The following MTA3 variants were observed in gnomAD, a reference collection of about 807,000 sequenced individuals.
The protein encoded by MTA3 is metastasis-associated protein MTA3.
MTA3 carries 34 observed loss-of-function variants against 83.5 expected under a neutral mutation model. The observed-to-expected ratio is 0.41, with a 90% confidence interval of 0.31 to 0.54. MTA3 has a LOEUF of 0.54. MTA3 is among the 20% of genes least tolerant of loss of function. MTA3 has a pLI of 0.33. For missense variants in MTA3, 761 were observed against 726.4 expected (o/e 1.05, Z -0.55); for synonymous variants, 303 against 252.7 (o/e 1.20, Z -1.89).
intron 8 of MTA3, among the ~76,000 whole-genome samples, chr2:42,675,541 C>T (rs950752217): frequency 2.0e-5 from 3 of 152,134 alleles, no homozygotes; most frequent in Non-Finnish European, 4.4e-5. Flanking sequence ...TGTATATATT[C>T]GTGTAACCAC....
chr2:42,518,640 A>G (rs111443180), intron 2 of MTA3, among the ~76,000 whole-genome samples: 111 of 152,278 alleles, frequency 7.3e-4, no homozygotes, highest in African/African-American at 2.6e-3. Flanking sequence ...TCATAACTCC[A>G]TACTCCTGAA....
chr2:42,577,568 C>T (rs974284654), intron 2 of MTA3, among the ~76,000 whole-genome samples: 14 of 151,436 alleles, frequency 9.2e-5, no homozygotes, highest in Non-Finnish European at 1.3e-4. Context: ...GCAACCTCCA[C>T]CTCCCAGGTT....
At chr2:42,570,837 C>G (rs1447075673) in intron 2 of MTA3, among the ~76,000 whole-genome samples, 1 of 151,710 alleles carries the variant, frequency 6.6e-6, no homozygotes, top group African/African-American at 2.4e-5. Flanking sequence ...ATGGAGAAAC[C>G]CCGTCTGTAC....
upstream of MTA3, among the ~76,000 whole-genome samples, chr2:42,565,062 C>G (rs1322231879): frequency 6.6e-6 from 1 of 152,184 alleles, no homozygotes; most frequent in Non-Finnish European, 1.5e-5. Context: ...AGGTGTGAGC[C>G]ACCGCGCTCA....
At chr2:42,654,630 A>G (rs1352818959) in intron 6 of MTA3, among the ~76,000 whole-genome samples, 1 of 151,962 alleles carries the variant, frequency 6.6e-6, no homozygotes, top group African/African-American at 2.4e-5. Context: ...CTGTTTGTGT[A>G]TCTTTTTTGT....
At chr2:42,707,410 A>AT (rs959057937) in intron 12 of MTA3, among the ~76,000 whole-genome samples, 2 of 151,546 alleles carry the variant, frequency 1.3e-5, no homozygotes, top group Non-Finnish European at 2.9e-5. Context: ...TGCCTGGCTA[A>AT]TTTTTTTTGT....
chr2:42,675,860 T>A lies in MTA3; in HGVS notation c.703-6541T>A, dbSNP rs531398642. Among the ~76,000 whole-genome samples, 4 of 152,344 alleles carry A rather than the reference T, an allele frequency of 2.6e-5. No individual in the cohort carries two copies. The South Asian group carries it at 8.3e-4, about 32-fold the overall frequency. ...AAGGGTAAGATTAGACTACGTAAAG[T>A]CCATTCAAAAGAAACTTCTGTGTGT... On this transcript the variant is annotated intron_variant, in intron 8 of 16. Transcript: ENST00000405094.
rs1670190984 is a variant in MTA3 at position 42,755,672 on chromosome 2, C to G, written c.*2273C>G. On this transcript the variant is annotated 3_prime_UTR_variant, in exon 17 of 17. Coordinates refer to ENST00000405094, the MANE Select transcript of MTA3 (RefSeq NM_001330442.2). ...GTGCCGAGGCGCCTCTAGTCTGTGC[C>G]TTTGCCGTTGGAAGCATTTGGTGCT... 1 of 985,422 alleles carries G rather than the reference C, an allele frequency of 1.0e-6. No homozygotes were observed. 61.0% of individuals were successfully genotyped at this position (985,422 alleles called of 1,614,324 possible).
At chr2:42,644,422 C>T (rs1190124309) in intron 6 of MTA3, among the ~76,000 whole-genome samples, 178 bp downstream of exon 6, 3 of 152,132 alleles carry the variant, frequency 2.0e-5, no homozygotes, top group African/African-American at 4.8e-5. Flanking sequence ...GATGAGGCCT[C>T]GCTATGTTGC....
At chr2:42,626,222 C>T (rs553831383) in intron 4 of MTA3, among the ~76,000 whole-genome samples, 2 of 146,454 alleles carry the variant, frequency 1.4e-5, no homozygotes, top group South Asian at 4.2e-4. Context: ...GGATTACAGG[C>T]GTGAACCACC....
chr2:42,709,028 C>A lies in MTA3; in HGVS notation c.1457C>A (p.Thr486Asn). ...TKFARQVCKN[T>N]LRLRQAARRP... ...TTTGCTCGTCAGGTCTGCAAAAATACCCTCCGGCTGCGGCAGGCAGCAAGA... is the reference window on the plus strand; with the variant it reads ...TTTGCTCGTCAGGTCTGCAAAAATAACCTCCGGCTGCGGCAGGCAGCAAGA... The change falls in exon 14 of 17, where the codon ACC becomes AAC. Residue 486 changes from threonine (T) to asparagine (N), a missense_variant. Thr to Asn is a moderately conservative substitution (Grantham distance 65). Coordinates refer to ENST00000405094, the MANE Select transcript of MTA3 (RefSeq NM_001330442.2). 1.2e-6 allele frequency: 2 copies of A among 1,613,994 alleles called. No homozygotes were observed. The highest frequency in any genetic ancestry group is 3.3e-5 in the Admixed American group (2 of 60,018).
At chr2:42,643,993 A>G (rs1687932261) in intron 5 of MTA3, 134 bp from the exon 6 acceptor site, 2 of 518,404 alleles carry the variant, frequency 3.9e-6, no homozygotes, top group Non-Finnish European at 6.7e-6. Flanking sequence ...TTAAAGATTT[A>G]TGAGTTTATT....
rs548039701 is a variant in MTA3, at chr2:42,558,935, C to T, written c.-140-11502C>T. On this transcript the variant is annotated intron_variant, in intron 2 of 17. Coordinates refer to the MTA3 transcript ENST00000405592. Reference sequence around the variant, plus strand: ...CTTGGGGTGGAGCTCAGCCTTGTCTCAGTAGTTCCCCTGGAGCAGCTAGAG... The same window carrying T: ...CTTGGGGTGGAGCTCAGCCTTGTCTTAGTAGTTCCCCTGGAGCAGCTAGAG... 3.9e-5 allele frequency among the ~76,000 whole-genome samples: 6 copies of T among 152,098 alleles called. No individual in the cohort carries two copies. The South Asian group carries it at 8.3e-4, about 21-fold the overall frequency.
At chr2:42,694,683 T>G (rs1693221154) in intron 9 of MTA3, among the ~76,000 whole-genome samples, 1 of 152,220 alleles carries the variant, frequency 6.6e-6, no homozygotes, top group African/African-American at 2.4e-5. Flanking sequence ...CTCTCCTGTC[T>G]TCCTCAATGC....
intron 5 of MTA3, among the ~76,000 whole-genome samples, chr2:42,643,785 A>AT (rs1255034376): frequency 1.3e-5 from 2 of 152,140 alleles, no homozygotes; most frequent in Non-Finnish European, 2.9e-5. Context: ...TTATAAGATG[A>AT]TTTGACTTTA....
intron 2 of MTA3, among the ~76,000 whole-genome samples, chr2:42,516,878 A>T (rs570097938): frequency 5.3e-5 from 8 of 152,342 alleles, no homozygotes; most frequent in African/African-American, 1.9e-4. Flanking sequence ...TCGTCACAGC[A>T]CTTTGAGAGG....
intron 3 of MTA3, among the ~76,000 whole-genome samples, chr2:42,579,640 G>A (rs1293474233): frequency 1.3e-5 from 2 of 151,880 alleles, no homozygotes; most frequent in Admixed American, 1.3e-4. Context: ...TGGTGAAAAT[G>A]TTGACATAGA....
At chr2:42,555,007 G>A (rs1047493590) in intron 2 of MTA3, among the ~76,000 whole-genome samples, 4 of 152,086 alleles carry the variant, frequency 2.6e-5, no homozygotes, top group African/African-American at 9.7e-5. Flanking sequence ...AAAAAAATTA[G>A]CTGGGCATGG....
intron 3 of MTA3, among the ~76,000 whole-genome samples, chr2:42,593,554 T>C (rs900014901): frequency 6.6e-6 from 1 of 152,110 alleles, no homozygotes; most frequent in Non-Finnish European, 1.5e-5. Context: ...CACTGGGCAG[T>C]TGGAGTTTTT....
Sources: gnomAD v4.1 joint callset for allele counts (sites outside exome capture counted in the v4.1 genomes callset) on GRCh38, gnomAD v4.1.1 for gene constraint, MANE v1.5 for transcripts, NCBI Gene and HGNC (gene_info 2026-07-23, HGNC 2026-07-21) for gene names.